Variants in DYNC2H1 observed in about 807,000 individuals in gnomAD.
DYNC2H1 encodes the protein dynein cytoplasmic 2 heavy chain 1.
In DYNC2H1, 410 loss-of-function variants were observed where a neutral mutation model predicts 570.0. That is an observed-to-expected ratio of 0.72 (90% CI 0.66 to 0.78). The LOEUF (loss-of-function observed/expected upper bound fraction) is 0.78. Among genes scored for constraint, DYNC2H1 ranks in the 30% least tolerant of loss-of-function variants. The pLI, the probability that DYNC2H1 is intolerant of heterozygous loss-of-function variation, is 0.00. For missense variants in DYNC2H1, 4,865 were observed against 5,046.4 expected (o/e 0.96, Z 1.09); for synonymous variants, 1,688 against 1,677.6 (o/e 1.01, Z -0.15).
chr11:103,267,013 C>A (rs539173279), intron 70 of DYNC2H1, among the ~76,000 whole-genome samples: 104 of 152,352 alleles, frequency 6.8e-4, no homozygotes, highest in African/African-American at 2.4e-3. Flanking sequence ...ACCCCCTGGG[C>A]TCCACATCAG....
At position 103,275,757 on chromosome 11, in the gene DYNC2H1, G is replaced by A. The variant is rs904592387; in HGVS notation, c.10696-4591G>A. 6.6e-6 allele frequency among the ~76,000 whole-genome samples: 1 copy of A among 151,666 alleles called. No individual in the cohort carries two copies. Among genetic ancestry groups the A allele is most frequent in the African/African-American group, 2.4e-5 (1 of 41,258 alleles). ...CTGGAGGACCACAGTTTATCCATTC[G>A]GCATCTACTGAAGGAAATCTTGGTT... On this transcript the variant is annotated intron_variant, in intron 70 of 88. Coordinates refer to ENST00000375735, the MANE Select transcript of DYNC2H1 (RefSeq NM_001377.3). This position sits in a 1 kb window ranked among gnomAD's most constrained non-coding sequence, Gnocchi z 4.8.
At chr11:103,387,562 A>G (rs542519559) in intron 83 of DYNC2H1, among the ~76,000 whole-genome samples, 2 of 152,310 alleles carry the variant, frequency 1.3e-5, no homozygotes, top group South Asian at 4.1e-4. Flanking sequence ...TGTTTTAGAC[A>G]TGCAGTCCTT....
chr11:103,255,334 A>T lies in DYNC2H1; in HGVS notation c.10207-81A>T, dbSNP rs1865010913. 9 of 1,450,424 alleles carry T rather than the reference A, an allele frequency of 6.2e-6. No individual in the cohort carries two copies. In the South Asian group the frequency reaches 1.1e-4, roughly 18 times the overall value. 89.8% of individuals were successfully genotyped at this position (1,450,424 alleles called of 1,614,324 possible). Reference sequence around the variant, plus strand: ...TATCATATTTGTAATAGTCTGTCAAACACAAGGCCTGTTTGCAGGAAGTTT... The same window carrying T: ...TATCATATTTGTAATAGTCTGTCAATCACAAGGCCTGTTTGCAGGAAGTTT... On this transcript the variant is annotated intron_variant, in intron 66 of 88. Transcript: ENST00000375735.
chr11:103,146,846 C>T (rs1860266237), intron 18 of DYNC2H1, among the ~76,000 whole-genome samples: 1 of 152,150 alleles, frequency 6.6e-6, no homozygotes, highest in Admixed American at 6.5e-5. Flanking sequence ...TCAGGCGATC[C>T]ACCTGCTTCT....
intron 17 of DYNC2H1, among the ~76,000 whole-genome samples, chr11:103,141,153 A>G (rs1361622489): frequency 1.3e-5 from 2 of 152,128 alleles, no homozygotes; most frequent in Non-Finnish European, 2.9e-5. Context: ...TGGTTTGAAT[A>G]TCCTCCTGTA....
intron 69 of DYNC2H1, among the ~76,000 whole-genome samples, chr11:103,258,258 T>G (rs1365405796): frequency 2.0e-5 from 3 of 152,210 alleles, no homozygotes; most frequent in Non-Finnish European, 4.4e-5. Flanking sequence ...AAAAGTGTAT[T>G]AGTGTATTAT....
At chr11:103,469,131 C>T (rs544941493) in intron 88 of DYNC2H1, among the ~76,000 whole-genome samples, 12 of 152,316 alleles carry the variant, frequency 7.9e-5, no homozygotes, top group Admixed American at 7.2e-4. Context: ...GGTTAAATGA[C>T]TTCTCGTAGT....
intron 84 of DYNC2H1, among the ~76,000 whole-genome samples, chr11:103,418,423 C>T (rs189737937): frequency 3.3e-5 from 5 of 152,278 alleles, no homozygotes; most frequent in African/African-American, 1.2e-4. Context: ...ATGTGCATTA[C>T]CTTTCTACAC....
chr11:103,110,600 T>C (rs1858067713), intron 1 of DYNC2H1, among the ~76,000 whole-genome samples: 1 of 152,144 alleles, frequency 6.6e-6, no homozygotes, highest in Non-Finnish European at 1.5e-5. Context: ...CTCCCTCCAC[T>C]GGCAGGATTG....
At position 103,286,367 on chromosome 11, in the gene DYNC2H1, A is replaced by C. The variant is rs1866353033; in HGVS notation, c.11003A>C (p.Lys3668Thr). 1 of 1,611,938 alleles carries C rather than the reference A, an allele frequency of 6.2e-7. No homozygotes were observed. The highest frequency in any genetic ancestry group is 8.5e-7 in the Non-Finnish European group (1 of 1,179,426). ...EQEFPSILAK[K>T]VSLFQQILVV... The stretch of plus-strand genomic sequence containing the variant: ...GAGTTTCCATCTATCCTTGCAAAGA[A>C]AGTTTCCTTATTTCAGCAGGTAAAA... The change falls in exon 74 of 89, where the codon AAA becomes ACA. Residue 3668 changes from lysine to threonine, a missense_variant. By Grantham distance (78) the Lys-to-Thr change is moderately conservative. Transcript: ENST00000375735.
In DYNC2H1 at chr11:103,439,001, G is replaced by A. The variant is rs1944165082; in HGVS notation, c.12456+2969G>A. Among the ~76,000 whole-genome samples the A allele has an allele frequency of 6.6e-6, 1 of 152,104 alleles. No homozygotes were observed. Among genetic ancestry groups the A allele is most frequent in the African/African-American group, 2.4e-5 (1 of 41,432 alleles). On this transcript the variant is annotated intron_variant, in intron 85 of 88. Coordinates refer to ENST00000375735, the MANE Select transcript of DYNC2H1 (RefSeq NM_001377.3). This position sits in a 1 kb window ranked among gnomAD's most constrained non-coding sequence, Gnocchi z 4.1. ...TTAAAAAAAAGATAATTCCGCAAAT[G>A]TGATTAATACTTTCCTGGTGCCAAA...
intron 87 of DYNC2H1, 81 bp downstream of exon 87, chr11:103,456,437 T>C: frequency 8.9e-7 from 1 of 1,127,594 alleles, no homozygotes; most frequent in Non-Finnish European, 1.3e-6. Context: ...GATCTCAAAG[T>C]GACCTATCTT....
Position 103,264,821 on chromosome 11 carries a change from C to T in DYNC2H1, c.10695+4844C>T, listed in dbSNP as rs1865445084. ...TGAAAACCAGCACATGATAAGGATG[C>T]CCTCTCTCACAACTCCTATTCAACA... On this transcript the variant is annotated intron_variant, in intron 70 of 88. Coordinates refer to ENST00000375735, the MANE Select transcript of DYNC2H1 (RefSeq NM_001377.3). This position sits in a 1 kb window ranked among gnomAD's most constrained non-coding sequence, Gnocchi z 4.8. Among the ~76,000 whole-genome samples the T allele has an allele frequency of 6.6e-6, 1 of 152,138 alleles. No individual in the cohort carries two copies. Among genetic ancestry groups the T allele is most frequent in the South Asian group, 2.1e-4 (1 of 4,824 alleles).
chr11:103,467,851 TAA>T lies in DYNC2H1; in HGVS notation c.12649-737_12649-736del, dbSNP rs527701877. Among the ~76,000 whole-genome samples, 25 of 152,270 alleles carry T rather than the reference TAA, an allele frequency of 1.6e-4. No individual in the cohort carries two copies. In the South Asian group the frequency reaches 5.0e-3, roughly 30 times the overall value. On this transcript the variant is annotated intron_variant, in intron 87 of 88. Transcript: ENST00000375735. ...CGCGCCCAGCCGGCACTGTACACTT[TAA>T]GTTTGTTTATATTTTGTACCAAGTT... is the stretch of plus-strand genomic sequence containing the variant.
At chr11:103,180,528 G>C (rs1188436544) in intron 39 of DYNC2H1, among the ~76,000 whole-genome samples, 1 of 151,692 alleles carries the variant, frequency 6.6e-6, no homozygotes, top group African/African-American at 2.4e-5. Flanking sequence ...ATGATTTCAT[G>C]TAAAATACAA....
intron 87 of DYNC2H1, among the ~76,000 whole-genome samples, chr11:103,460,287 C>A (rs950431964): frequency 6.6e-6 from 1 of 150,606 alleles, no homozygotes; most frequent in Non-Finnish European, 1.5e-5. Context: ...TCTCTGGCAG[C>A]TGTGAACCAT....
Position 103,177,935 on chromosome 11 carries a change from G to T in DYNC2H1, c.6139+115G>T, listed in dbSNP as rs1211887937. 1.2e-5 allele frequency: 15 copies of T among 1,202,192 alleles called. No homozygotes were observed. Among genetic ancestry groups the T allele is most frequent in the Non-Finnish European group, 1.5e-5 (13 of 896,254 alleles). The allele number at this position is 1,202,192 out of a possible 1,614,324, so 74.5% of individuals were successfully genotyped here. Reference sequence around the variant, plus strand: ...TACATGACCATAAAGTCATAATTAAGTTAAAATGATGTACATTTGATATTT... The same window carrying T: ...TACATGACCATAAAGTCATAATTAATTTAAAATGATGTACATTTGATATTT... On this transcript the variant is annotated intron_variant, in intron 38 of 88. Coordinates refer to ENST00000375735, the MANE Select transcript of DYNC2H1 (RefSeq NM_001377.3). The surrounding 1 kb of genome is among the most constrained non-coding windows in gnomAD (Gnocchi z 4.4).
chr11:103,209,830 T>G lies in DYNC2H1; in HGVS notation c.8455-46T>G. On this transcript the variant is annotated intron_variant, in intron 52 of 88. Transcript: ENST00000375735. This position sits in a 1 kb window ranked among gnomAD's most constrained non-coding sequence, Gnocchi z 4.2. ...TGTATTAAAGGTTTTTAACTTATGA[T>G]ATGGGACTTATACTCTTTCATAGTG... The G allele has an allele frequency of 7.4e-7, 1 of 1,355,190 alleles. No homozygotes were observed. The highest frequency in any genetic ancestry group is 9.6e-7 in the Non-Finnish European group (1 of 1,042,074). 83.9% of individuals were successfully genotyped at this position (1,355,190 alleles called of 1,614,324 possible).
intron 62 of DYNC2H1, 37 bp downstream of exon 62, chr11:103,235,850 A>C (rs769848461): frequency 1.2e-6 from 2 of 1,603,874 alleles, no homozygotes; most frequent in African/African-American, 1.3e-5. Flanking sequence ...GAGAGTTTGT[A>C]TTTAGTTATT....
Sources: gnomAD v4.1 joint callset for allele counts (sites outside exome capture counted in the v4.1 genomes callset) on GRCh38, gnomAD v4.1.1 for gene constraint, Gnocchi (gnomAD v3.1) non-coding constraint, MANE v1.5 for transcripts, NCBI Gene and HGNC (gene_info 2026-07-23, HGNC 2026-07-21) for gene names.